The following RIC1 variants were observed in gnomAD, a reference collection of about 807,000 sequenced individuals.
RIC1 encodes RIC1 partner of RAB6A GEF complex, also known as guanine nucleotide exchange factor subunit RIC1.
A neutral mutation model predicts 169.0 loss-of-function variants in RIC1; 88 were observed. The ratio of observed to expected loss-of-function variants is 0.52; its 90% CI spans 0.44 to 0.62. The LOEUF (loss-of-function observed/expected upper bound fraction) is 0.62, where lower values mean the gene tolerates loss of function less well. Among genes scored for constraint, RIC1 ranks in the 20% least tolerant of loss-of-function variants. The pLI is 0.00. For missense variants in RIC1, 1,877 were observed against 1,725.5 expected (o/e 1.09, Z -1.56); for synonymous variants, 790 against 601.5 (o/e 1.31, Z -4.59).
chr9:5,660,129 G>C (rs1819360388), intron 2 of RIC1, among the ~76,000 whole-genome samples: 1 of 152,110 alleles, frequency 6.6e-6, no homozygotes, highest in Non-Finnish European at 1.5e-5. Context: ...TCCTGTGTTA[G>C]TTTGCTGAGG....
At chr9:5,736,366 G>A (rs934667048) in intron 7 of RIC1, among the ~76,000 whole-genome samples, 1 of 152,228 alleles carries the variant, frequency 6.6e-6, no homozygotes, top group Non-Finnish European at 1.5e-5. Context: ...TGAAAGAGCT[G>A]TTTTGAATTC....
At chr9:5,655,542 C>A (rs946518249) in intron 1 of RIC1, among the ~76,000 whole-genome samples, 4 of 152,164 alleles carry the variant, frequency 2.6e-5, no homozygotes, top group African/African-American at 9.7e-5. Context: ...CTCAGGTGAT[C>A]TGCCAACCTC....
chr9:5,675,705 A>G (rs1586924234), intron 2 of RIC1, among the ~76,000 whole-genome samples: 1 of 152,100 alleles, frequency 6.6e-6, no homozygotes, highest in East Asian at 1.9e-4. Flanking sequence ...TTAGGGGGGA[A>G]AAATGTACAT....
intron 2 of RIC1, among the ~76,000 whole-genome samples, chr9:5,683,920 C>T (rs1199804485): frequency 6.6e-6 from 1 of 152,154 alleles, no homozygotes; most frequent in Non-Finnish European, 1.5e-5. Context: ...GAGCGAGGCT[C>T]CGTGGGCATA....
At position 5,743,693 on chromosome 9, in the gene RIC1, A is replaced by T; in HGVS notation, c.1051A>T (p.Arg351Trp). The change falls in exon 10 of 26, where the codon AGG (arginine) becomes TGG (tryptophan). Residue 351 changes from arginine to tryptophan, a missense_variant. Arg to Trp is a moderately radical substitution (Grantham distance 101). Around this residue, in one of 3 missense-constraint regions of RIC1, gnomAD observed 1,104 missense variants for 992.0 expected, o/e 1.11. Transcript: ENST00000414202. ...ICTLGGDFAY[R>W]SDGTKKDPLK... ...TTAGTTTCTGTTCTGTTTCAGTTAT[A>T]GGTCTGATGGCACCAAAAAAGATCC... 1.2e-6 allele frequency: 2 copies of T among 1,605,394 alleles called. No individual in the cohort carries two copies. The highest frequency in any genetic ancestry group is 1.7e-6 in the Non-Finnish European group (2 of 1,173,308).
At chr9:5,661,498 C>T (rs931726531) in intron 2 of RIC1, among the ~76,000 whole-genome samples, 3 of 152,116 alleles carry the variant, frequency 2.0e-5, no homozygotes, top group Non-Finnish European at 2.9e-5. Context: ...TTCGTGTCAT[C>T]TGTCATTTGT....
intron 15 of RIC1, 102 bp downstream of exon 15, chr9:5,755,032 A>G (rs1014566122): frequency 6.0e-6 from 4 of 670,672 alleles, no homozygotes; most frequent in Non-Finnish European, 6.9e-6. Flanking sequence ...TGAACAAAAC[A>G]TTTTATTTTT....
rs1826722800 is a variant in RIC1 at position 5,766,091 on chromosome 9, G to C, written c.3137+293G>C. 2.0e-5 allele frequency among the ~76,000 whole-genome samples: 3 copies of C among 152,174 alleles called. No individual in the cohort carries two copies. In the South Asian group the frequency reaches 6.2e-4, roughly 32 times the overall value. On this transcript the variant is annotated intron_variant, in intron 21 of 25. Coordinates refer to ENST00000414202, the MANE Select transcript of RIC1 (RefSeq NM_020829.4). The stretch of plus-strand genomic sequence containing the variant: ...GAGTCTCACTCTGTCACCCAGGCTG[G>C]AATGCAGTGGCACCATCTCAGCTCA...
intron 8 of RIC1, among the ~76,000 whole-genome samples, chr9:5,739,261 C>T (rs1328801829): frequency 2.0e-5 from 3 of 152,092 alleles, no homozygotes; most frequent in Non-Finnish European, 4.4e-5. Context: ...CACAGTGGGC[C>T]ATCTTTTAAT....
At chr9:5,652,339 T>C (rs1162155716) in intron 1 of RIC1, among the ~76,000 whole-genome samples, 1 of 152,246 alleles carries the variant, frequency 6.6e-6, no homozygotes, top group African/African-American at 2.4e-5. Flanking sequence ...TTCCAATCTA[T>C]AAACATGGGA....
intron 2 of RIC1, among the ~76,000 whole-genome samples, chr9:5,675,612 CACTT>C (rs1334705037): frequency 6.6e-6 from 1 of 152,116 alleles, no homozygotes; most frequent in African/African-American, 2.4e-5. Context: ...AAAAGGTAGT[CACTT>C]AATAAATTAA....
intron 3 of RIC1, among the ~76,000 whole-genome samples, chr9:5,709,530 T>C (rs7043596): frequency 0.38 from 57,613 of 152,040 alleles, 16,046 homozygotes; most frequent in African/African-American, 0.79. Flanking sequence ...TACAAATGAT[T>C]GGTTGAGAGG....
At position 5,775,424 on chromosome 9, in the gene RIC1, T is replaced by C. The variant is rs994142090; in HGVS notation, c.*1178T>C. 2 of 152,366 alleles carry C rather than the reference T, an allele frequency of 1.3e-5. No individual in the cohort carries two copies. Among genetic ancestry groups the C allele is most frequent in the Non-Finnish European group, 1.5e-5 (1 of 68,024 alleles). The allele number at this position is 152,366 out of a possible 1,614,324, so 9.4% of individuals were successfully genotyped here. On this transcript the variant is annotated 3_prime_UTR_variant, in exon 26 of 26. Coordinates refer to ENST00000414202, the MANE Select transcript of RIC1 (RefSeq NM_020829.4). The stretch of plus-strand genomic sequence containing the variant: ...AACACCCATCCACTGTATGTAATTC[T>C]AATTACCTTATAACAGTATTAAGAC...
chr9:5,738,842 C>T (rs183804408), intron 8 of RIC1, among the ~76,000 whole-genome samples: 72 of 152,004 alleles, frequency 4.7e-4, no homozygotes, highest in African/African-American at 1.6e-3. Flanking sequence ...TAGCCAATGC[C>T]CAAGTTCTAC....
chr9:5,731,909 A>G (rs1824392102), intron 6 of RIC1, among the ~76,000 whole-genome samples: 1 of 152,218 alleles, frequency 6.6e-6, no homozygotes, highest in South Asian at 2.1e-4. Flanking sequence ...TACACTATAA[A>G]GAAGGGAATT....
chr9:5,668,611 A>G (rs1234673005), intron 2 of RIC1, among the ~76,000 whole-genome samples: 2 of 152,116 alleles, frequency 1.3e-5, no homozygotes, highest in Admixed American at 6.5e-5. Context: ...GCATAATTTC[A>G]AATGTCTTAT....
In RIC1 at chr9:5,752,927, C is replaced by T. The variant is rs966586052; in HGVS notation, c.1453-273C>T. Among the ~76,000 whole-genome samples, 20 of 152,238 alleles carry T rather than the reference C, an allele frequency of 1.3e-4. 1 individual carries two copies. Among genetic ancestry groups the T allele is most frequent in the Non-Finnish European group, 2.6e-4 (18 of 68,018 alleles). On this transcript the variant is annotated intron_variant, in intron 12 of 25. Coordinates refer to ENST00000414202, the MANE Select transcript of RIC1 (RefSeq NM_020829.4). ...GGTGCCTTCTCTGAAAATCTCTTGT[C>T]AGTCTGTATTTATTGAATTCAATAT...
chr9:5,634,036 A>T (rs891035159), intron 1 of RIC1, among the ~76,000 whole-genome samples: 1 of 151,998 alleles, frequency 6.6e-6, no homozygotes, highest in African/African-American at 2.4e-5. Flanking sequence ...AGTTTTGTCC[A>T]TGTTGTTGCA....
intron 3 of RIC1, among the ~76,000 whole-genome samples, chr9:5,704,331 C>A (rs1459835257): frequency 1.3e-5 from 2 of 152,008 alleles, no homozygotes; most frequent in Non-Finnish European, 2.9e-5. Context: ...TCACCTCAGT[C>A]ACCAGAGTAG....
Sources: allele counts gnomAD v4.1 joint callset (sites outside exome capture counted in the v4.1 genomes callset), GRCh38; gene constraint gnomAD v4.1.1; regional missense constraint gnomAD v4.1.1; transcripts MANE v1.5; gene names NCBI Gene and HGNC (gene_info 2026-07-23, HGNC 2026-07-21).